ITGAE: variants seen among roughly 807,000 people sequenced by gnomAD.
ITGAE encodes the protein integrin alpha-E.
In ITGAE, 99 loss-of-function variants were observed where a neutral mutation model predicts 136.5. The observed-to-expected ratio is 0.73, with a 90% confidence interval of 0.62 to 0.86. The LOEUF (loss-of-function observed/expected upper bound fraction) is 0.86, where lower values mean the gene tolerates loss of function less well. ITGAE is among the 40% of genes least tolerant of loss of function. ITGAE has a pLI of 0.00. For missense variants in ITGAE, 1,447 were observed against 1,515.3 expected (o/e 0.95, Z 0.75); for synonymous variants, 613 against 591.8 (o/e 1.04, Z -0.52).
chr17:3,769,713 T>G (rs539332348), intron 2 of ITGAE, among the ~76,000 whole-genome samples: 2 of 152,242 alleles, frequency 1.3e-5, no homozygotes, highest in Non-Finnish European at 1.5e-5. Context: ...AGATGGAGTC[T>G]CACTCTGTCT....
intron 29 of ITGAE, chr17:3,718,189 T>C (rs1308075385): frequency 1.4e-5 from 2 of 142,204 alleles, no homozygotes; most frequent in African/African-American, 6.3e-5. Context: ...ACACAGCTAT[T>C]CTCCTTTGCC....
intron 26 of ITGAE, chr17:3,725,551 C>G: frequency 6.2e-7 from 1 of 1,614,230 alleles, no homozygotes; most frequent in Non-Finnish European, 8.5e-7. Context: ...ATCATCATCT[C>G]CAAAGAGTTG....
In ITGAE at chr17:3,750,491, G is replaced by A. The variant is rs1351106788; in HGVS notation, c.1894-9C>T. 1.9e-6 allele frequency: 3 copies of A among 1,613,984 alleles called. No individual in the cohort carries two copies. Among genetic ancestry groups the A allele is most frequent in the African/African-American group, 2.7e-5 (2 of 75,052 alleles). On this transcript the variant is annotated splice_polypyrimidine_tract_variant and intron_variant, in intron 15 of 30. Transcript: ENST00000263087. ...GTGGAGGCTCTGATCCGCTGTGGAG[G>A]CAGAAACACAAGGCGTGGGGCGAGG... is the stretch of plus-strand genomic sequence containing the variant.
chr17:3,720,977 G>A (rs944268261), intron 28 of ITGAE, among the ~76,000 whole-genome samples: 5 of 152,140 alleles, frequency 3.3e-5, no homozygotes, highest in African/African-American at 4.8e-5. Flanking sequence ...CACCCATGCT[G>A]GAGTGCAATG....
Position 3,798,755 on chromosome 17 carries a change from C to A in ITGAE, c.34+2356G>T, listed in dbSNP as rs1268180282. Among the ~76,000 whole-genome samples, 5 of 152,164 alleles carry A rather than the reference C, an allele frequency of 3.3e-5. No homozygotes were observed. The highest frequency in any genetic ancestry group is 6.5e-5 in the Admixed American group (1 of 15,274). On this transcript the variant is annotated intron_variant, in intron 1 of 30. Coordinates refer to ENST00000263087, the MANE Select transcript of ITGAE (RefSeq NM_002208.5). This position sits in a 1 kb window ranked among gnomAD's most constrained non-coding sequence, Gnocchi z 4.3. Reference sequence around the variant, plus strand: ...TCTTCACGCAAGGGTGGAAACTCAACCTCTGAGACCCAGGATGGAGAAGTG... The same window carrying A: ...TCTTCACGCAAGGGTGGAAACTCAAACTCTGAGACCCAGGATGGAGAAGTG...
rs371587485 is a variant in ITGAE, at chr17:3,761,356, G to A, written c.433+47C>T. On this transcript the variant is annotated intron_variant, in intron 5 of 30. Transcript: ENST00000263087. ...CTGGTGCCTTTTCTTGGAGACCAAG[G>A]AGATCTCTTTAGAGCTATCCAAGGC... The A allele has an allele frequency of 1.7e-5, 27 of 1,559,112 alleles. No individual in the cohort carries two copies. In the African/African-American group the frequency reaches 2.3e-4, roughly 13 times the overall value.
At position 3,761,537 on chromosome 17, in the gene ITGAE, A is replaced by G. The variant is rs1481938545; in HGVS notation, c.316-17T>C. On this transcript the variant is annotated splice_polypyrimidine_tract_variant and intron_variant, in intron 4 of 30. Coordinates refer to ENST00000263087, the MANE Select transcript of ITGAE (RefSeq NM_002208.5). ...AATGCATATCTGTGGGAGGGAAGAG[A>G]GGGTGGGGAAACACCAGGTCACCTC... 1 of 1,597,938 alleles carries G rather than the reference A, an allele frequency of 6.3e-7. No individual in the cohort carries two copies. Among genetic ancestry groups the G allele is most frequent in the Non-Finnish European group, 8.5e-7 (1 of 1,170,608 alleles).
At chr17:3,716,830 C>A in intron 29 of ITGAE, 32 bp from the exon 30 acceptor site, 1 of 1,263,884 alleles carries the variant, frequency 7.9e-7, no homozygotes, top group South Asian at 1.2e-5. Flanking sequence ...CCCAATAAAT[C>A]AGGTGAAGCA....
intron 2 of ITGAE, among the ~76,000 whole-genome samples, chr17:3,764,440 T>C (rs2052245611): frequency 6.6e-6 from 1 of 152,210 alleles, no homozygotes; most frequent in Non-Finnish European, 1.5e-5. Context: ...CTCACGCCTG[T>C]AATCCCAGCA....
At chr17:3,725,091 G>T (rs556086352) in intron 26 of ITGAE, 2 of 1,614,166 alleles carry the variant, frequency 1.2e-6, no homozygotes, top group South Asian at 2.2e-5. Context: ...CAAAACCAGG[G>T]CTTCCTTCAG....
rs2051698452 is a variant in ITGAE, at chr17:3,745,802, G to A, written c.2281C>T (p.Leu761Phe). The part of the protein sequence containing the change: ...CLREWSSGSQ[L>F]CEDLLLMPTE... Reference sequence around the variant, plus strand: ...GGCATGAGCAGGAGGTCCTCACAAAGCTGGGATCCGCTGCTCCACTCCCTC... The same window carrying A: ...GGCATGAGCAGGAGGTCCTCACAAAACTGGGATCCGCTGCTCCACTCCCTC... Residue 761 changes from leucine (L) to phenylalanine (F), a missense_variant, in exon 18 of 31, where the codon CTT becomes TTT. Physicochemically the swap from Leu to Phe is conservative, Grantham distance 22. Around this residue, in one of 3 missense-constraint regions of ITGAE, gnomAD observed 1,031 missense variants for 1,011.4 expected, o/e 1.02. Transcript: ENST00000263087. 1 of 1,613,932 alleles carries A rather than the reference G, an allele frequency of 6.2e-7. No homozygotes were observed. Among genetic ancestry groups the A allele is most frequent in the Non-Finnish European group, 8.5e-7 (1 of 1,180,016 alleles).
intron 15 of ITGAE, among the ~76,000 whole-genome samples, chr17:3,751,338 A>G (rs912560381): frequency 6.6e-6 from 1 of 151,632 alleles, no homozygotes; most frequent in Non-Finnish European, 1.5e-5. Flanking sequence ...GGAAGCAGGG[A>G]CCCGAGGCAG....
chr17:3,738,082 A>G (rs185171389), intron 20 of ITGAE, among the ~76,000 whole-genome samples: 3 of 152,328 alleles, frequency 2.0e-5, no homozygotes, highest in Non-Finnish European at 2.9e-5. Context: ...GTTCTTCCCC[A>G]TATACGGCAA....
At chr17:3,787,702 T>C (rs2052833057) in intron 1 of ITGAE, among the ~76,000 whole-genome samples, 1 of 152,002 alleles carries the variant, frequency 6.6e-6, no homozygotes, top group African/African-American at 2.4e-5. Flanking sequence ...TTTTTTTTTT[T>C]TTTGAGAGGG....
At chr17:3,739,912 G>GCTCCGCCTTCCCCAGCAGCCCTGC in intron 19 of ITGAE, 34 bp from the exon 20 acceptor site, 1 of 1,570,938 alleles carries the variant, frequency 6.4e-7, no homozygotes, top group East Asian at 2.2e-5. Flanking sequence ...ATCAGCCCAG[G>GCTCCGCCTTCCCCAGCAGCCCTGC]CTCCGCCTTC....
chr17:3,724,156 GC>G (rs2051144521), intron 26 of ITGAE: 1 of 1,594,422 alleles, frequency 6.3e-7, no homozygotes, highest in African/African-American at 1.3e-5. Context: ...TTCCCCGGCA[GC>G]CCGGTGAGGC....
intron 7 of ITGAE, 24 bp from the exon 8 acceptor site, chr17:3,759,577 A>G: frequency 1.3e-6 from 2 of 1,597,932 alleles, no homozygotes; most frequent in South Asian, 2.2e-5. Context: ...GCAGGAGGGC[A>G]GGAGGTTGGA....
chr17:3,750,881 T>C (rs922923074), intron 15 of ITGAE, among the ~76,000 whole-genome samples: 2 of 151,326 alleles, frequency 1.3e-5, no homozygotes, highest in Non-Finnish European at 1.5e-5. Flanking sequence ...GAAATGGCAC[T>C]GAAGACATGG....
At chr17:3,795,602 G>T (rs980080857) in intron 1 of ITGAE, among the ~76,000 whole-genome samples, 1 of 152,240 alleles carries the variant, frequency 6.6e-6, no homozygotes, top group African/African-American at 2.4e-5. Flanking sequence ...TGGAGGCACC[G>T]AGGGGTTGGT....
Sources: gnomAD v4.1 joint callset for allele counts (sites outside exome capture counted in the v4.1 genomes callset) on GRCh38, gnomAD v4.1.1 for gene constraint, gnomAD v4.1.1 regional missense constraint, Gnocchi (gnomAD v3.1) non-coding constraint, MANE v1.5 for transcripts, NCBI Gene and HGNC (gene_info 2026-07-23, HGNC 2026-07-21) for gene names.